The following TNKS variants were observed in gnomAD, a reference collection of about 807,000 sequenced individuals.
TNKS encodes the protein tankyrase, also known as poly [ADP-ribose] polymerase tankyrase-1.
Under a neutral mutation model 135.8 loss-of-function variants are expected in TNKS, and 72 were observed. The ratio of observed to expected loss-of-function variants is 0.53; its 90% CI spans 0.44 to 0.64. The LOEUF (loss-of-function observed/expected upper bound fraction) is 0.64, where lower values mean the gene tolerates loss of function less well. TNKS is among the 30% of genes least tolerant of loss of function. The pLI is 0.00. For missense variants in TNKS, 1,769 were observed against 1,674.0 expected, an observed-to-expected ratio of 1.06 and a Z score of -0.99; for synonymous variants, 849 against 649.3, an observed-to-expected ratio of 1.31 and a Z score of -4.68.
At chr8:9,768,151 T>TAAGTC (rs762269269) in intron 25 of TNKS, among the ~76,000 whole-genome samples, 264 of 152,182 alleles carry the variant, frequency 1.7e-3, no homozygotes, top group Non-Finnish European at 2.9e-3. Context: ...CACACAAGTT[T>TAAGTC]AAGTCTTAGC....
At position 9,720,355 on chromosome 8, in the gene TNKS, C is replaced by A; in HGVS notation, c.1750-19C>A. The A allele has an allele frequency of 6.4e-7, 1 of 1,561,792 alleles. No individual in the cohort carries two copies. Among genetic ancestry groups the A allele is most frequent in the East Asian group, 2.3e-5 (1 of 42,986 alleles). The stretch of plus-strand genomic sequence containing the variant: ...AAACAAGATGCTCAATTCCATGTGC[C>A]CACGCAATGATTTTTCAGATGAATG... On this transcript the variant is annotated intron_variant, in intron 11 of 26. Coordinates refer to ENST00000310430, the MANE Select transcript of TNKS (RefSeq NM_003747.3).
In TNKS at chr8:9,556,149, C is replaced by T. The variant is rs1815282712; in HGVS notation, c.210C>T (p.Gly70=). The T allele has an allele frequency of 6.2e-7, 1 of 1,608,082 alleles. No homozygotes were observed. The highest frequency in any genetic ancestry group is 8.5e-7 in the Non-Finnish European group (1 of 1,176,808). Residue 70 remains glycine, a synonymous_variant, in exon 1 of 27, where the codon GGC becomes GGT. Coordinates refer to ENST00000310430, the MANE Select transcript of TNKS (RefSeq NM_003747.3). ...RHGLALPEGD[G]SRDPPDRPRS... is the part of the protein sequence containing the mutation. ...GCCTAGCGCTGCCGGAGGGGGATGG[C>T]AGTCGGGATCCGCCCGACAGGCCCC...
chr8:9,576,967 A>G (rs977828811), intron 1 of TNKS, among the ~76,000 whole-genome samples: 3 of 152,384 alleles, frequency 2.0e-5, no homozygotes, highest in East Asian at 1.9e-4. Context: ...TTTGCATGAT[A>G]TAACAAACAT....
At chr8:9,575,145 G>A (rs1797898308) in intron 1 of TNKS, 7 of 876,966 alleles carry the variant, frequency 8.0e-6, no homozygotes, top group Non-Finnish European at 9.6e-6. Context: ...GGAGTATAGG[G>A]GCGCGATCTC....
At chr8:9,701,315 T>C (rs1331327512) in intron 5 of TNKS, among the ~76,000 whole-genome samples, 1 of 152,186 alleles carries the variant, frequency 6.6e-6, no homozygotes, top group Non-Finnish European at 1.5e-5. Flanking sequence ...GAATAAGAAA[T>C]AAAAGTTACT....
At position 9,779,605 on chromosome 8, in the gene TNKS, A is replaced by G. The variant is rs1215185546; in HGVS notation, c.*2869A>G. 6.6e-6 allele frequency: 1 copy of G among 152,066 alleles called. No individual in the cohort carries two copies. Among genetic ancestry groups the G allele is most frequent in the Non-Finnish European group, 1.5e-5 (1 of 68,014 alleles). The allele number at this position is 152,066 out of a possible 1,614,324, so 9.4% of individuals were successfully genotyped here. ...TTTGACCTCCTTCCCTCTTTCCTAA[A>G]TTACTAGTCTGGAATTAAAATTAGC... is the stretch of plus-strand genomic sequence containing the variant. On this transcript the variant is annotated 3_prime_UTR_variant, in exon 27 of 27. Transcript: ENST00000310430.
intron 1 of TNKS, among the ~76,000 whole-genome samples, chr8:9,569,545 T>A (rs6601334): frequency 1.3e-5 from 2 of 151,984 alleles, no homozygotes. Context: ...TGTATAATTC[T>A]ATTGTGGGAA....
chr8:9,570,242 C>T (rs1229464369), intron 1 of TNKS, among the ~76,000 whole-genome samples: 2 of 152,084 alleles, frequency 1.3e-5, no homozygotes, highest in Admixed American at 1.3e-4. Flanking sequence ...GAGTTTGAGA[C>T]CAGCCTGGGC....
intron 2 of TNKS, among the ~76,000 whole-genome samples, chr8:9,601,039 T>C (rs6601339): frequency 0.27 from 40,953 of 152,134 alleles, 5,765 homozygotes; most frequent in East Asian, 0.37. Flanking sequence ...AAAAGCATTG[T>C]TTTGCACACA....
At chr8:9,563,909 A>G (rs1797428508) in intron 1 of TNKS, among the ~76,000 whole-genome samples, 1 of 152,188 alleles carries the variant, frequency 6.6e-6, no homozygotes, top group Admixed American at 6.5e-5. Flanking sequence ...ATTACTAAAT[A>G]ATTTCAAGGA....
intron 3 of TNKS, among the ~76,000 whole-genome samples, chr8:9,639,630 T>A (rs1051091692): frequency 1.3e-5 from 2 of 152,084 alleles, no homozygotes; most frequent in Non-Finnish European, 2.9e-5. Context: ...TTTATTGTAG[T>A]TCAGTAACTT....
intron 1 of TNKS, among the ~76,000 whole-genome samples, chr8:9,570,368 C>G (rs1191376418): frequency 6.6e-6 from 1 of 151,854 alleles, no homozygotes; most frequent in Admixed American, 6.6e-5. Flanking sequence ...AAAAAAGATC[C>G]CTGAGCCAAT....
chr8:9,719,070 TTA>T (rs1804741806), intron 11 of TNKS, among the ~76,000 whole-genome samples: 1 of 152,248 alleles, frequency 6.6e-6, no homozygotes, highest in Non-Finnish European at 1.5e-5. Context: ...GTAGCTTGTG[TTA>T]TCCATTGATA....
At chr8:9,764,888 A>G in intron 23 of TNKS, 98 bp downstream of exon 23, 1 of 914,502 alleles carries the variant, frequency 1.1e-6, no homozygotes, top group Non-Finnish European at 1.6e-6. Context: ...ATATTTTCAA[A>G]CTGTGAAAGA....
At chr8:9,732,790 C>T (rs779698022) in intron 14 of TNKS, among the ~76,000 whole-genome samples, 7 of 152,116 alleles carry the variant, frequency 4.6e-5, no homozygotes, top group Non-Finnish European at 1.0e-4. Context: ...ATTTTTCTTA[C>T]TGAATACTTC....
chr8:9,726,492 G>C, intron 12 of TNKS, 149 bp from the exon 13 acceptor site: 3 of 567,096 alleles, frequency 5.3e-6, no homozygotes, highest in East Asian at 5.6e-5. Flanking sequence ...GCAAAGTTTT[G>C]CTACAACATT....
intron 17 of TNKS, among the ~76,000 whole-genome samples, chr8:9,746,108 G>T (rs555405053): frequency 6.6e-6 from 1 of 152,106 alleles, no homozygotes; most frequent in Non-Finnish European, 1.5e-5. Flanking sequence ...AATAGATGAT[G>T]TGCTTTTGAG....
intron 3 of TNKS, among the ~76,000 whole-genome samples, chr8:9,637,393 A>G (rs1395301575): frequency 1.3e-5 from 2 of 152,120 alleles, no homozygotes; most frequent in Non-Finnish European, 2.9e-5. Flanking sequence ...AATTCTAGTT[A>G]TATATATTTG....
intron 3 of TNKS, among the ~76,000 whole-genome samples, chr8:9,636,934 AG>A (rs1050303738): frequency 3.3e-5 from 5 of 152,232 alleles, no homozygotes; most frequent in African/African-American, 1.2e-4. Flanking sequence ...AGTAATTTAG[AG>A]TACCTTAATA....
Sources: allele counts gnomAD v4.1 joint callset (sites outside exome capture counted in the v4.1 genomes callset), GRCh38; gene constraint gnomAD v4.1.1; transcripts MANE v1.5; gene names NCBI Gene and HGNC (gene_info 2026-07-23, HGNC 2026-07-21).